NSD3: variants seen among roughly 807,000 people sequenced by gnomAD.
The protein encoded by NSD3 is nuclear receptor binding SET domain protein 3.
A neutral mutation model predicts 160.8 loss-of-function variants in NSD3; 24 were observed. That is an observed-to-expected ratio of 0.15 (90% CI 0.11 to 0.21). NSD3 has a LOEUF of 0.21. NSD3 is among the 10% of genes least tolerant of loss of function. The pLI is 1.00. For missense variants in NSD3, 1,157 were observed against 1,735.9 expected (o/e 0.67, Z 5.93); for synonymous variants, 520 against 600.0 (o/e 0.87, Z 1.95).
intron 19 of NSD3, among the ~76,000 whole-genome samples, chr8:38,284,932 G>T (rs954632888): frequency 2.0e-5 from 3 of 152,164 alleles, no homozygotes; most frequent in Non-Finnish European, 4.4e-5. Flanking sequence ...TGATACCACT[G>T]TAAATAAAGA....
chr8:38,323,302 T>G (rs1488057382), intron 7 of NSD3, among the ~76,000 whole-genome samples: 1 of 152,038 alleles, frequency 6.6e-6, no homozygotes, highest in Admixed American at 6.6e-5. Flanking sequence ...GTGATCCGCC[T>G]GCCTCAGCCT....
rs749160153 is a variant in NSD3 at position 38,295,828 on chromosome 8, C to T, written c.2883G>A (p.Lys961=). 1.9e-6 allele frequency: 3 copies of T among 1,613,340 alleles called. No homozygotes were observed. The highest frequency in any genetic ancestry group is 2.5e-6 in the Non-Finnish European group (3 of 1,179,900). The change falls in exon 16 of 24, where the codon AAG becomes AAA. Residue 961 remains lysine (K), a synonymous_variant. Coordinates refer to ENST00000317025, the MANE Select transcript of NSD3 (RefSeq NM_023034.2). The part of the protein sequence containing the change: ...DCKAGKKLHY[K]QIVWVKLGNY... ...TTCCCAATTTGACCCAAACAATCTG[C>T]TTGTAATGTAGTTTCTTGCCAGCTT...
At chr8:38,276,708 G>C (rs1390657434) in intron 22 of NSD3, 4 of 580,432 alleles carry the variant, frequency 6.9e-6, no homozygotes, top group Admixed American at 3.1e-5. Context: ...TTTTGAGATG[G>C]AGTTCTCGCT....
intron 16 of NSD3, among the ~76,000 whole-genome samples, chr8:38,290,936 T>C (rs1486082589): frequency 6.6e-6 from 1 of 152,158 alleles, no homozygotes; most frequent in African/African-American, 2.4e-5. Context: ...ATGAAAATGT[T>C]CTAAAATGTA....
intron 1 of NSD3, among the ~76,000 whole-genome samples, chr8:38,348,566 G>A (rs1376163745): frequency 6.6e-6 from 1 of 152,186 alleles, no homozygotes; most frequent in African/African-American, 2.4e-5. Context: ...GCAGTGTCCT[G>A]ACACATATCA....
At chr8:38,293,693 C>T (rs1212549950) in intron 16 of NSD3, among the ~76,000 whole-genome samples, 6 of 151,408 alleles carry the variant, frequency 4.0e-5, no homozygotes, top group Non-Finnish European at 5.9e-5. Flanking sequence ...GAGGCCGAGG[C>T]GGGCGGATCA....
Position 38,275,256 on chromosome 8 carries a change from G to A in NSD3, c.*385C>T. The A allele has an allele frequency of 3.9e-6, 1 of 258,796 alleles. No homozygotes were observed. Among genetic ancestry groups the A allele is most frequent in the African/African-American group, 2.2e-5 (1 of 45,736 alleles). The allele number at this position is 258,796 out of a possible 1,614,324, so 16.0% of individuals were successfully genotyped here. The stretch of plus-strand genomic sequence containing the variant: ...TTCCTAAAAATGAAAATAAATAAAG[G>A]AATGATGGCTACTTTTGCTTTATAC... On this transcript the variant is annotated 3_prime_UTR_variant, in exon 24 of 24. Transcript: ENST00000317025.
chr8:38,374,277 CTAAAAA>C (rs1325157774), intron 1 of NSD3, among the ~76,000 whole-genome samples: 2 of 151,614 alleles, frequency 1.3e-5, no homozygotes, highest in African/African-American at 2.4e-5. Context: ...GACCCTGTCT[CTAAAAA>C]TAAAAAAAAT....
At chr8:38,331,320 GTT>G in intron 5 of NSD3, 109 bp downstream of exon 5, 1 of 1,268,480 alleles carries the variant, frequency 7.9e-7, no homozygotes, top group Non-Finnish European at 1.0e-6. Context: ...GCTGAAAGGG[GTT>G]TAAAAAAAGG....
chr8:38,357,118 C>CAAAAAAAA lies in NSD3; in HGVS notation c.-44-8911_-44-8904dup, dbSNP rs966483645. On this transcript the variant is annotated intron_variant, in intron 1 of 23. Transcript: ENST00000317025. ...TGGGTGACAAAGCAAGACACCATCT[C>CAAAAAAAA]AAAAAAAAAAAAAAAAAAAAAAAAA... is the stretch of plus-strand genomic sequence containing the variant. Among the ~76,000 whole-genome samples the CAAAAAAAA allele has an allele frequency of 2.2e-3, 46 of 21,306 alleles. 4 individuals are homozygous for CAAAAAAAA. The highest frequency in any genetic ancestry group is 2.7e-3 in the Non-Finnish European group (33 of 12,076). The allele number at this position is 21,306 out of a possible 152,430, so 14.0% of individuals were successfully genotyped here. A position where few individuals can be genotyped will look rare whatever the true frequency, so the allele number is the denominator to read the frequency against.
At chr8:38,300,508 A>T (rs957877910) in intron 14 of NSD3, among the ~76,000 whole-genome samples, 2 of 152,146 alleles carry the variant, frequency 1.3e-5, no homozygotes, top group Admixed American at 1.3e-4. Context: ...CCTGAACTTT[A>T]CTGAGGTAAT....
chr8:38,338,674 GACAT>G, intron 2 of NSD3, 67 bp from the exon 3 acceptor site: 3 of 1,218,796 alleles, frequency 2.5e-6, no homozygotes, highest in Non-Finnish European at 3.6e-6. Flanking sequence ...AAAAAACAGT[GACAT>G]ACATAAAAAG....
At chr8:38,364,727 C>G (rs775369602) in intron 1 of NSD3, among the ~76,000 whole-genome samples, 1 of 152,098 alleles carries the variant, frequency 6.6e-6, no homozygotes, top group Admixed American at 6.6e-5. Flanking sequence ...AGAAAGAAAA[C>G]TTGTAGTAAT....
rs1235374196 is a variant in NSD3 at position 38,316,386 on chromosome 8, AG to A, written c.1856-345del. 2 of 1,086,074 alleles carry A rather than the reference AG, an allele frequency of 1.8e-6. No individual in the cohort carries two copies. Among genetic ancestry groups the A allele is most frequent in the Non-Finnish European group, 2.2e-6 (2 of 890,984 alleles). The allele number at this position is 1,086,074 out of a possible 1,614,324, so 67.3% of individuals were successfully genotyped here. A position where few individuals can be genotyped will look rare whatever the true frequency, so the allele number is the denominator to read the frequency against. On this transcript the variant is annotated intron_variant, in intron 9 of 23. Transcript: ENST00000317025. This position sits in a 1 kb window ranked among gnomAD's most constrained non-coding sequence, Gnocchi z 4.5. ...CAATTCAAAGAACCATTCAATTTGG[AG>A]GGGGAAGACATAAAACCCAACACAC...
At position 38,305,437 on chromosome 8, in the gene NSD3, G is replaced by A. The variant is rs939428764; in HGVS notation, c.2251C>T (p.Pro751Ser). 3 of 1,613,708 alleles carry A rather than the reference G, an allele frequency of 1.9e-6. No individual in the cohort carries two copies. Among genetic ancestry groups the A allele is most frequent in the South Asian group, 1.1e-5 (1 of 91,048 alleles). ...CCAGACACTTTACACGAAAAACATG[G>A]GTGCTGCCCTGGAAAATTGGTGAGG... ...ICMECKTGQH[P>S]CFSCKVSGKD... The change falls in exon 13 of 24, where the codon CCA becomes TCA. Residue 751 changes from proline (P) to serine (S), a missense_variant. This residue lies in a region of NSD3 where 437 missense variants were observed against 576.6 expected (regional missense o/e 0.76). Transcript: ENST00000317025.
chr8:38,330,973 G>A (rs1431312997), intron 5 of NSD3, among the ~76,000 whole-genome samples: 1 of 152,042 alleles, frequency 6.6e-6, no homozygotes, highest in Non-Finnish European at 1.5e-5. Flanking sequence ...TAATAAGTGA[G>A]TTAATATATG....
At chr8:38,299,392 A>G in intron 15 of NSD3, 52 bp downstream of exon 15, 1 of 1,568,864 alleles carries the variant, frequency 6.4e-7, no homozygotes, top group East Asian at 2.3e-5. Flanking sequence ...TTGAAAGAGA[A>G]AAAAATAGGA....
At chr8:38,278,100 A>G (rs1476390088) in intron 22 of NSD3, among the ~76,000 whole-genome samples, 4 of 151,960 alleles carry the variant, frequency 2.6e-5, no homozygotes, top group Non-Finnish European at 5.9e-5. Flanking sequence ...CACCATGCCC[A>G]GCTAATTTTT....
At chr8:38,295,759 G>T in intron 16 of NSD3, 37 bp downstream of exon 16, 2 of 1,601,344 alleles carry the variant, frequency 1.2e-6, no homozygotes, top group South Asian at 2.2e-5. Flanking sequence ...TCTGCACAAT[G>T]ATTGAATACT....
Sources: allele counts gnomAD v4.1 joint callset (sites outside exome capture counted in the v4.1 genomes callset), GRCh38; gene constraint gnomAD v4.1.1; regional missense constraint gnomAD v4.1.1; non-coding constraint Gnocchi (gnomAD v3.1); transcripts MANE v1.5; gene names NCBI Gene and HGNC (gene_info 2026-07-23, HGNC 2026-07-21).